The following BORCS5 variants were observed in gnomAD, a reference collection of about 807,000 sequenced individuals.
The protein encoded by BORCS5 is BLOC-1-related complex subunit 5.
BORCS5 carries 17 observed loss-of-function variants against 22.1 expected under a neutral mutation model. The ratio of observed to expected loss-of-function variants is 0.77; its 90% CI spans 0.53 to 1.15. The LOEUF (loss-of-function observed/expected upper bound fraction) is 1.15. BORCS5 is among the 50% of genes most tolerant of loss of function. The pLI is 0.00. For missense variants in BORCS5, 247 were observed against 253.2 expected (o/e 0.98, Z 0.17); for synonymous variants, 117 against 99.8 (o/e 1.17, Z -1.03).
chr12:12,360,374 A>G (rs1659681193), intron 1 of BORCS5, among the ~76,000 whole-genome samples: 1 of 151,848 alleles, frequency 6.6e-6, no homozygotes, highest in Non-Finnish European at 1.5e-5. Context: ...ATAAAATAAA[A>G]TCCTGTAATG....
chr12:12,378,531 A>G (rs1460882516), intron 2 of BORCS5, among the ~76,000 whole-genome samples: 3 of 151,780 alleles, frequency 2.0e-5, no homozygotes, highest in Non-Finnish European at 2.9e-5. Flanking sequence ...GAGACATGCT[A>G]CAAAATAACT....
chr12:12,368,152 T>G (rs2136024423), intron 2 of BORCS5, among the ~76,000 whole-genome samples: 1 of 152,326 alleles, frequency 6.6e-6, no homozygotes, highest in South Asian at 2.1e-4. Flanking sequence ...TTTCTTTTCA[T>G]GCTTGAAGTT....
At chr12:12,402,417 T>A (rs973008563) in intron 2 of BORCS5, among the ~76,000 whole-genome samples, 4 of 152,220 alleles carry the variant, frequency 2.6e-5, no homozygotes, top group African/African-American at 9.6e-5. Context: ...TTGGAGACCC[T>A]TCTCTAATTA....
intron 2 of BORCS5, among the ~76,000 whole-genome samples, chr12:12,410,106 A>C (rs929930861): frequency 2.1e-5 from 3 of 142,916 alleles, no homozygotes; most frequent in Admixed American, 7.1e-5. Context: ...GTTTGAGTTC[A>C]TTGTAGATTC....
At chr12:12,383,526 A>T (rs1443741401) in intron 2 of BORCS5, among the ~76,000 whole-genome samples, 1 of 151,044 alleles carries the variant, frequency 6.6e-6, no homozygotes, top group South Asian at 2.1e-4. Flanking sequence ...TACCCTGAAA[A>T]GACTTTTGTT....
At chr12:12,433,485 G>A (rs1018073013) in intron 2 of BORCS5, among the ~76,000 whole-genome samples, 2 of 152,046 alleles carry the variant, frequency 1.3e-5, no homozygotes, top group Non-Finnish European at 2.9e-5. Flanking sequence ...AACCAAAAAA[G>A]GGAGGGATGG....
intron 3 of BORCS5, among the ~76,000 whole-genome samples, chr12:12,439,653 T>A (rs1951744546): frequency 6.6e-6 from 1 of 152,204 alleles, no homozygotes; most frequent in Non-Finnish European, 1.5e-5. Context: ...AAATTCTGTT[T>A]GAAGAACTTT....
At chr12:12,406,368 C>A (rs1322066232) in intron 2 of BORCS5, among the ~76,000 whole-genome samples, 2 of 152,120 alleles carry the variant, frequency 1.3e-5, no homozygotes, top group Non-Finnish European at 2.9e-5. Context: ...TAAGTATTGC[C>A]TCAACTTTTT....
chr12:12,363,182 A>G (rs1863329980), intron 2 of BORCS5, among the ~76,000 whole-genome samples: 1 of 151,864 alleles, frequency 6.6e-6, no homozygotes, highest in South Asian at 2.1e-4. Flanking sequence ...CTGTCGTCCC[A>G]GCTAGTTGGG....
intron 2 of BORCS5, among the ~76,000 whole-genome samples, chr12:12,377,528 C>T (rs1481832471): frequency 1.3e-5 from 2 of 151,946 alleles, no homozygotes; most frequent in Non-Finnish European, 2.9e-5. Flanking sequence ...GGGCCCAGCA[C>T]AAAGCTTGGC....
intron 2 of BORCS5, among the ~76,000 whole-genome samples, chr12:12,421,826 A>C (rs757595285): frequency 1.3e-5 from 2 of 152,072 alleles, no homozygotes; most frequent in Admixed American, 6.6e-5. Context: ...TAGATTTTCT[A>C]GTTTATTTGT....
chr12:12,438,934 C>T (rs1942623103), intron 3 of BORCS5, among the ~76,000 whole-genome samples: 2 of 152,176 alleles, frequency 1.3e-5, no homozygotes, highest in Non-Finnish European at 2.9e-5. Flanking sequence ...TACCCTGCCC[C>T]ATGCAGCTTC....
At chr12:12,358,985 T>G (rs1421510195) in intron 1 of BORCS5, among the ~76,000 whole-genome samples, 1 of 152,142 alleles carries the variant, frequency 6.6e-6, no homozygotes, top group Non-Finnish European at 1.5e-5. Flanking sequence ...GGATTAACCT[T>G]TGAGATATGA....
intron 1 of BORCS5, among the ~76,000 whole-genome samples, chr12:12,358,733 G>A (rs1470376766): frequency 6.6e-6 from 1 of 152,324 alleles, no homozygotes; most frequent in African/African-American, 2.4e-5. Flanking sequence ...AGATAAAGTA[G>A]TAGAGGTTAG....
intron 3 of BORCS5, among the ~76,000 whole-genome samples, chr12:12,459,191 C>G (rs1012742017): frequency 6.6e-6 from 1 of 151,934 alleles, no homozygotes; most frequent in Non-Finnish European, 1.5e-5. Context: ...CCACCGCACC[C>G]GGCCTTAATG....
At position 12,468,385 on chromosome 12, in the gene BORCS5, A is replaced by C. The variant is rs553979265; in HGVS notation, c.*2609A>C. On this transcript the variant is annotated 3_prime_UTR_variant, in exon 4 of 4. Transcript: ENST00000314565. The stretch of plus-strand genomic sequence containing the variant: ...TTTGTTGGTTAATACCCCATGACCT[A>C]TCTGGCCGTTATGGGATATTTCAGG... 3 of 152,254 alleles carry C rather than the reference A, an allele frequency of 2.0e-5. No homozygotes were observed. In the South Asian group the frequency reaches 6.2e-4, roughly 32 times the overall value. 9.4% of individuals were successfully genotyped at this position (152,254 alleles called of 1,614,324 possible). A position where few individuals can be genotyped will look rare whatever the true frequency, so the allele number is the denominator to read the frequency against.
At position 12,435,767 on chromosome 12, in the gene BORCS5, G is replaced by C. The variant is rs369543619; in HGVS notation, c.342G>C (p.Leu114Phe). The change falls in exon 3 of 4, where the codon TTG (leucine) becomes TTC (phenylalanine). Residue 114 changes from leucine to phenylalanine, a missense_variant. Physicochemically the swap from Leu to Phe is conservative, Grantham distance 22 (BLOSUM62 0). Transcript: ENST00000314565. ...CCGTTGCTTTTGACCAGAATGCTTT[G>C]GTTAAACGAATCAAAGAGGTAATGT... is the stretch of plus-strand genomic sequence containing the variant. The part of the protein sequence containing the change: ...AEAVAFDQNA[L>F]VKRIKEMDLS... 6.2e-7 allele frequency: 1 copy of C among 1,612,734 alleles called. No homozygotes were observed. Among genetic ancestry groups the C allele is most frequent in the South Asian group, 1.1e-5 (1 of 90,690 alleles).
chr12:12,361,908 C>T (rs6488516), intron 2 of BORCS5, among the ~76,000 whole-genome samples: 108,643 of 152,122 alleles, frequency 0.71, 39,547 homozygotes, highest in South Asian at 0.89. Context: ...TTAGCATATA[C>T]TGTGGTAGTT....
intron 3 of BORCS5, among the ~76,000 whole-genome samples, 157 bp from the exon 4 acceptor site, chr12:12,465,389 G>C (rs1467537713): frequency 6.6e-6 from 1 of 152,218 alleles, no homozygotes; most frequent in Non-Finnish European, 1.5e-5. Context: ...TGATAAAGCT[G>C]TGTCCCTGAA....
Sources: allele counts gnomAD v4.1 joint callset (sites outside exome capture counted in the v4.1 genomes callset), GRCh38; gene constraint gnomAD v4.1.1; transcripts MANE v1.5; gene names NCBI Gene and HGNC (gene_info 2026-07-23, HGNC 2026-07-21).